N4BP2: variants seen among roughly 807,000 people sequenced by gnomAD.
N4BP2 encodes NEDD4-binding protein 2.
A neutral mutation model predicts 152.8 loss-of-function variants in N4BP2; 91 were observed. The observed-to-expected ratio is 0.60, with a 90% CI of 0.50 to 0.71. The LOEUF (loss-of-function observed/expected upper bound fraction) is 0.71. Among genes scored for constraint, N4BP2 ranks in the 30% least tolerant of loss-of-function variants. The probability of loss-of-function intolerance (pLI) is 0.00; values close to 1 mark genes in which losing one functional copy is unlikely to be tolerated. For synonymous variants in N4BP2, 646 were observed against 705.3 expected (o/e 0.92, Z 1.33); for missense variants, 1,923 against 2,059.1 (o/e 0.93, Z 1.28).
Position 40,157,492 on chromosome 4 carries a change from G to T in N4BP2, c.*3255G>T, listed in dbSNP as rs529105105. 1 of 152,080 alleles carries T rather than the reference G, an allele frequency of 6.6e-6. No individual in the cohort carries two copies. The highest frequency in any genetic ancestry group is 1.9e-4 in the East Asian group (1 of 5,180). 9.4% of individuals were successfully genotyped at this position (152,080 alleles called of 1,614,324 possible). ...AGTAGACATGTATAATATTGAGATC[G>T]GTTATTTCTGAGCTGGAAATTGGAA... On this transcript the variant is annotated 3_prime_UTR_variant, in exon 18 of 18. Transcript: ENST00000261435.
chr4:40,123,174 G>A lies in N4BP2; in HGVS notation c.4246G>A (p.Ala1416Thr). The A allele has an allele frequency of 3.1e-6, 5 of 1,612,988 alleles. No homozygotes were observed. Among genetic ancestry groups the A allele is most frequent in the Non-Finnish European group, 4.2e-6 (5 of 1,179,226 alleles). The change falls in exon 10 of 18, where the codon GCG (alanine) becomes ACG (threonine). Residue 1416 changes from alanine (A) to threonine (T), a missense_variant. By Grantham distance (58) the Ala-to-Thr change is moderately conservative. Transcript: ENST00000261435. ...DCVVHIDLNLAKVIHEKWKES... is the reference protein window; with the variant it reads ...DCVVHIDLNLTKVIHEKWKES... The stretch of plus-strand genomic sequence containing the variant: ...TGTGGTTCATATAGATCTGAATCTG[G>A]CGAAAGTGATTCATGAGAAATGGAA...
At chr4:40,163,188 A>G (rs1412379379), downstream of N4BP2, among the ~76,000 whole-genome samples, 1 of 152,218 alleles carries the variant, frequency 6.6e-6, no homozygotes, top group Non-Finnish European at 1.5e-5. Flanking sequence ...GGATTTGTGT[A>G]TGTATTTGGA....
At chr4:40,111,477 C>T (rs1716878829) in intron 5 of N4BP2, among the ~76,000 whole-genome samples, 1 of 152,110 alleles carries the variant, frequency 6.6e-6, no homozygotes, top group Non-Finnish European at 1.5e-5. Context: ...CGTGCCACCA[C>T]ACCTGGCTAA....
chr4:40,091,127 G>T (rs1203933820), intron 2 of N4BP2, among the ~76,000 whole-genome samples: 3 of 149,716 alleles, frequency 2.0e-5, no homozygotes, highest in Non-Finnish European at 4.4e-5. Flanking sequence ...TTGCACCCTT[G>T]TTAAACTCAC....
Position 40,102,789 on chromosome 4 carries a change from C to A in N4BP2, c.944C>A (p.Ser315Tyr). 6.2e-7 allele frequency: 1 copy of A among 1,614,186 alleles called. No homozygotes were observed. The highest frequency in any genetic ancestry group is 8.5e-7 in the Non-Finnish European group (1 of 1,180,040). ...GGGGATCAGAAATCTACTCGGGTCTCTGATGTGTTTCTACCTTCCGAAGGG... is the reference window on the plus strand; with the variant it reads ...GGGGATCAGAAATCTACTCGGGTCTATGATGTGTTTCTACCTTCCGAAGGG... ...TGGDQKSTRV[S>Y]DVFLPSEGFN... is the part of the protein sequence containing the mutation. The change falls in exon 4 of 18, where the codon TCT becomes TAT. Residue 315 changes from serine to tyrosine, a missense_variant. Transcript: ENST00000261435.
At position 40,155,701 on chromosome 4, in the gene N4BP2, G is replaced by A. The variant is rs1428232237; in HGVS notation, c.*1464G>A. ...TTAACAAATAGTTTTGTTGCTTTTT[G>A]TTAAGCTTAAAAAAAAATTTGGATC... is the stretch of plus-strand genomic sequence containing the variant. On this transcript the variant is annotated 3_prime_UTR_variant, in exon 18 of 18. Coordinates refer to ENST00000261435, the MANE Select transcript of N4BP2 (RefSeq NM_018177.6). 6.6e-6 allele frequency: 1 copy of A among 151,940 alleles called. No individual in the cohort carries two copies. The highest frequency in any genetic ancestry group is 2.4e-5 in the African/African-American group (1 of 41,370). 9.4% of individuals were successfully genotyped at this position (151,940 alleles called of 1,614,324 possible). A position where few individuals can be genotyped will look rare whatever the true frequency, so the allele number is the denominator to read the frequency against.
At chr4:40,113,943 C>T (rs185688946) in intron 7 of N4BP2, among the ~76,000 whole-genome samples, 1 of 152,160 alleles carries the variant, frequency 6.6e-6, no homozygotes, top group African/African-American at 2.4e-5. Flanking sequence ...AGAACAGACC[C>T]TAGGATTTGG....
the N4BP2 span, among the ~76,000 whole-genome samples, chr4:40,181,709 A>G: frequency 6.6e-6 from 1 of 152,244 alleles, no homozygotes; most frequent in Non-Finnish European, 1.5e-5. Flanking sequence ...GCACTTTGGG[A>G]GGCTAAGGCA....
intron 2 of N4BP2, among the ~76,000 whole-genome samples, chr4:40,076,993 G>A (rs1266619325): frequency 6.6e-6 from 1 of 152,064 alleles, no homozygotes; most frequent in Non-Finnish European, 1.5e-5. Flanking sequence ...TTTGGGTCCT[G>A]TAACTTCCCT....
At chr4:40,181,857 G>A in the N4BP2 span, among the ~76,000 whole-genome samples, 1 of 152,210 alleles carries the variant, frequency 6.6e-6, no homozygotes, top group Non-Finnish European at 1.5e-5. Context: ...GCTGAGGCAT[G>A]ACAATTGCTT....
intron 1 of N4BP2, among the ~76,000 whole-genome samples, chr4:40,062,025 TTTTATTTA>T (rs571355066): frequency 6.6e-6 from 1 of 151,816 alleles, no homozygotes. Context: ...TATTTTTTGG[TTTTATTTA>T]TTTATTTATT....
intron 2 of N4BP2, among the ~76,000 whole-genome samples, chr4:40,083,364 C>T (rs1713597368): frequency 6.6e-6 from 1 of 152,100 alleles, no homozygotes; most frequent in Non-Finnish European, 1.5e-5. Flanking sequence ...AAAACATGTC[C>T]ACAGCAAACT....
chr4:40,168,886 G>A, the N4BP2 span, among the ~76,000 whole-genome samples: 4,666 of 151,562 alleles, frequency 0.031, 120 homozygotes, highest in South Asian at 0.082. Context: ...CACCACACCC[G>A]GCTAATTTTT....
At chr4:40,168,478 A>T in the N4BP2 span, among the ~76,000 whole-genome samples, 1 of 152,162 alleles carries the variant, frequency 6.6e-6, no homozygotes, top group African/African-American at 2.4e-5. Context: ...GGAGAAGAAC[A>T]GTGCCTATAA....
At chr4:40,175,389 C>G in the N4BP2 span, among the ~76,000 whole-genome samples, 1 of 150,296 alleles carries the variant, frequency 6.7e-6, no homozygotes, top group Non-Finnish European at 1.5e-5. Context: ...TAGTGATTAC[C>G]TGGGGCAGGG....
At chr4:40,108,896 A>G (rs1488465068) in intron 5 of N4BP2, among the ~76,000 whole-genome samples, 2 of 150,488 alleles carry the variant, frequency 1.3e-5, no homozygotes, top group Non-Finnish European at 3.0e-5. Flanking sequence ...GGCTCACTGC[A>G]ATGTCTGCCT....
At chr4:40,117,375 A>C (rs6852446) in intron 7 of N4BP2, among the ~76,000 whole-genome samples, 3,163 of 152,284 alleles carry the variant, frequency 0.021, 115 homozygotes, top group African/African-American at 0.071. Flanking sequence ...GGATCCAGTC[A>C]CAAAGCCTTG....
intron 7 of N4BP2, among the ~76,000 whole-genome samples, chr4:40,117,599 G>T (rs1461204408): frequency 6.6e-6 from 1 of 152,118 alleles, no homozygotes; most frequent in Non-Finnish European, 1.5e-5. Context: ...CACTATGAGT[G>T]AAAACACAAA....
chr4:40,082,705 T>C (rs1274764420), intron 2 of N4BP2, among the ~76,000 whole-genome samples: 2 of 142,056 alleles, frequency 1.4e-5, no homozygotes, highest in Non-Finnish European at 3.1e-5. Flanking sequence ...GGCTGTATTC[T>C]TTTTTTTTTT....
Sources: allele counts gnomAD v4.1 joint callset (sites outside exome capture counted in the v4.1 genomes callset), GRCh38; gene constraint gnomAD v4.1.1; transcripts MANE v1.5; gene names NCBI Gene and HGNC (gene_info 2026-07-23, HGNC 2026-07-21).